GYS1: variants seen among roughly 807,000 people sequenced by gnomAD.
GYS1 encodes glycogen [starch] synthase, muscle.
In GYS1, 60 loss-of-function variants were observed where a neutral mutation model predicts 89.1. That is an observed-to-expected ratio of 0.67 (90% CI 0.55 to 0.84). GYS1 has a LOEUF of 0.84. GYS1 is among the 40% of genes least tolerant of loss of function. GYS1 has a pLI of 0.00. For synonymous variants in GYS1, 366 were observed against 401.7 expected (o/e 0.91, Z 1.06); for missense variants, 888 against 1,003.1 (o/e 0.89, Z 1.55).
At chr19:48,986,398 C>T (rs2038844127) in intron 3 of GYS1, among the ~76,000 whole-genome samples, 1 of 152,148 alleles carries the variant, frequency 6.6e-6, no homozygotes. Context: ...CTGTCTGCAC[C>T]CAACATTGGC....
At chr19:48,969,961 T>G in intron 14 of GYS1, 106 bp from the exon 15 acceptor site, 1 of 739,500 alleles carries the variant, frequency 1.4e-6, no homozygotes, top group Non-Finnish European at 2.4e-6. Flanking sequence ...AGCACACTGC[T>G]GCACCCCATA....
chr19:48,991,686 G>A lies in GYS1; in HGVS notation c.119-203C>T. 1 of 611,176 alleles carries A rather than the reference G, an allele frequency of 1.6e-6. No homozygotes were observed. 37.9% of individuals were successfully genotyped at this position (611,176 alleles called of 1,614,324 possible). A position where few individuals can be genotyped will look rare whatever the true frequency, so the allele number is the denominator to read the frequency against. ...CGAGGGCTGGAGGGCAGTCCTCCTG[G>A]GTCTAAGGGAGAAGGGGGCTGGGGT... On this transcript the variant is annotated intron_variant, in intron 1 of 15. Coordinates refer to ENST00000323798, the MANE Select transcript of GYS1 (RefSeq NM_002103.5). This position sits in a 1 kb window ranked among gnomAD's most constrained non-coding sequence, Gnocchi z 4.7.
At position 48,969,777 on chromosome 19, in the gene GYS1, C is replaced by T. The variant is rs1367362043; in HGVS notation, c.1888G>A (p.Ala630Thr). 6.2e-7 allele frequency: 1 copy of T among 1,613,728 alleles called. No homozygotes were observed. Among genetic ancestry groups the T allele is most frequent in the Admixed American group, 1.7e-5 (1 of 60,024 alleles). ...HFTYEPNEAD[A>T]AQGYRYPRPA... Reference sequence around the variant, plus strand: ...GCAGAAATCCAGGGTCCACTCACCGCATCCGCCTCGTTGGGCTCGTAGGTG... The same window carrying T: ...GCAGAAATCCAGGGTCCACTCACCGTATCCGCCTCGTTGGGCTCGTAGGTG... Residue 630 changes from alanine (A) to threonine (T), a missense_variant and splice_region_variant, in exon 15 of 16, where the codon GCG becomes ACG. Ala to Thr is a moderately conservative substitution (Grantham distance 58). Coordinates refer to ENST00000323798, the MANE Select transcript of GYS1 (RefSeq NM_002103.5).
At chr19:48,977,873 T>C in intron 10 of GYS1, 51 bp downstream of exon 10, 2 of 1,434,652 alleles carry the variant, frequency 1.4e-6, no homozygotes, top group Non-Finnish European at 2.0e-6. Context: ...GCAAGCTGCC[T>C]CTGGGGCTGC....
intron 8 of GYS1, among the ~76,000 whole-genome samples, chr19:48,980,708 A>G (rs919497063): frequency 5.9e-5 from 9 of 151,860 alleles, no homozygotes; most frequent in African/African-American, 2.2e-4. Context: ...AGCCAGGCGC[A>G]GTGGCTCACC....
chr19:48,985,965 A>G lies in GYS1; in HGVS notation c.563T>C (p.Leu188Pro). Residue 188 changes from leucine (L) to proline (P), a missense_variant, in exon 4 of 16, where the codon CTC (leucine) becomes CCC (proline). By Grantham distance (98) the Leu-to-Pro change is moderately conservative. Transcript: ENST00000323798. Reference protein sequence around the residue: ...HFHEWLAGVGLCLCRARRLPV... With the variant: ...HFHEWLAGVGPCLCRARRLPV... ...CAGTCGCCGGGCACGACACAGGCAG[A>G]GTCCAACGCCTGCCAACCACTCATG... The G allele has an allele frequency of 6.2e-7, 1 of 1,614,170 alleles. No homozygotes were observed.
In GYS1 at chr19:48,974,319, G is replaced by A. The variant is rs780892563; in HGVS notation, c.1443C>T (p.Phe481=). The A allele has an allele frequency of 1.2e-6, 2 of 1,614,012 alleles. No individual in the cohort carries two copies. Among genetic ancestry groups the A allele is most frequent in the Admixed American group, 3.3e-5 (2 of 60,006 alleles). ...DRVKVIFHPE[F]LSSTSPLLPV... is the part of the protein sequence containing the mutation. Reference sequence around the variant, plus strand: ...GGAGCAGGGGGCTTGTGGAGGAGAGGAACTCCGGGTGGAAAATCACCTGGT... The same window carrying A: ...GGAGCAGGGGGCTTGTGGAGGAGAGAAACTCCGGGTGGAAAATCACCTGGT... The change falls in exon 12 of 16, where the codon TTC becomes TTT. Residue 481 remains phenylalanine, a synonymous_variant. Transcript: ENST00000323798.
intron 5 of GYS1, among the ~76,000 whole-genome samples, chr19:48,984,298 T>C (rs116540618): frequency 0.044 from 6,621 of 151,818 alleles, 383 homozygotes; most frequent in African/African-American, 0.13. Flanking sequence ...TAAGCCACCG[T>C]GCCCAGCCAA....
Position 48,968,416 on chromosome 19 carries a change from A to C in GYS1, c.*872T>G. The C allele has an allele frequency of 2.2e-6, 1 of 454,530 alleles. No individual in the cohort carries two copies. Among genetic ancestry groups the C allele is most frequent in the South Asian group, 1.6e-5 (1 of 64,478 alleles). 28.2% of individuals were successfully genotyped at this position (454,530 alleles called of 1,614,324 possible). On this transcript the variant is annotated 3_prime_UTR_variant, in exon 16 of 16. Transcript: ENST00000323798. ...TCCAGATCTAGAAGCCAGGACCTAG[A>C]ACCTAGTGGTTTCACAGTGGGCAGA... is the stretch of plus-strand genomic sequence containing the variant.
intron 14 of GYS1, 108 bp from the exon 15 acceptor site, chr19:48,969,963 C>A (rs2038531711): frequency 4.1e-6 from 3 of 728,610 alleles, no homozygotes; most frequent in African/African-American, 1.7e-5. Flanking sequence ...CACACTGCTG[C>A]ACCCCATACA....
chr19:48,976,991 G>C (rs1173720237), intron 10 of GYS1, among the ~76,000 whole-genome samples: 1 of 151,974 alleles, frequency 6.6e-6, no homozygotes, highest in Admixed American at 6.6e-5. Context: ...GTTTCATCAT[G>C]TTGCCCAGGC....
rs1555800301 is a variant in GYS1, at chr19:48,991,214, T to G, written c.300+88A>C. 1 of 1,396,908 alleles carries G rather than the reference T, an allele frequency of 7.2e-7. No homozygotes were observed. The highest frequency in any genetic ancestry group is 1.2e-5 in the South Asian group (1 of 86,582). 86.5% of individuals were successfully genotyped at this position (1,396,908 alleles called of 1,614,324 possible). The stretch of plus-strand genomic sequence containing the variant: ...GCCTGCCTCGCTCTCTGGCTGGGGC[T>G]GTCCACCCTGCACCCTCTCCGTCTG... On this transcript the variant is annotated intron_variant, in intron 2 of 15. Transcript: ENST00000323798. The surrounding 1 kb of genome is among the most constrained non-coding windows in gnomAD (Gnocchi z 4.7).
At chr19:48,989,115 A>AT (rs374591827) in intron 2 of GYS1, among the ~76,000 whole-genome samples, 72 of 114,646 alleles carry the variant, frequency 6.3e-4, no homozygotes, top group African/African-American at 2.1e-3. Context: ...TCTTTCTTCC[A>AT]TTTTTTTTTG....
chr19:48,973,567 C>T (rs572957167), intron 12 of GYS1, among the ~76,000 whole-genome samples: 9 of 149,380 alleles, frequency 6.0e-5, no homozygotes, highest in East Asian at 2.0e-4. Flanking sequence ...ACAGCACTGC[C>T]GGAGTGCAGT....
chr19:48,982,461 TG>T (rs995892998), intron 6 of GYS1, 86 bp from the exon 7 acceptor site: 14 of 1,514,956 alleles, frequency 9.2e-6, no homozygotes, highest in African/African-American at 5.5e-5. Context: ...AAGCTATGGG[TG>T]GGGGGGCAGA....
chr19:48,974,223 G>T lies in GYS1; in HGVS notation c.1539C>A (p.Gly513=). ...GCCCACTACACTCACCCGGTGTGTA[G>T]CCCCAAGGCTCATAGTAGGAGGGGA... is the stretch of plus-strand genomic sequence containing the variant. ...GVFPSYYEPW[G]YTPAECTVMG... is the part of the protein sequence containing the mutation. The change falls in exon 12 of 16, where the codon GGC becomes GGA. Residue 513 remains glycine, a synonymous_variant. Transcript: ENST00000323798. 6.2e-7 allele frequency: 1 copy of T among 1,605,424 alleles called. No individual in the cohort carries two copies. The highest frequency in any genetic ancestry group is 8.5e-7 in the Non-Finnish European group (1 of 1,175,924).
At chr19:48,990,000 G>GC (rs201148467) in intron 2 of GYS1, among the ~76,000 whole-genome samples, 3 of 131,332 alleles carry the variant, frequency 2.3e-5, no homozygotes, top group East Asian at 4.2e-4. Context: ...CCTTTTGCTG[G>GC]GGGGGGGGGG....
intron 2 of GYS1, among the ~76,000 whole-genome samples, chr19:48,988,045 G>A (rs540455949): frequency 1.5e-4 from 23 of 152,182 alleles, no homozygotes; most frequent in African/African-American, 5.5e-4. Context: ...CTTGTGATCC[G>A]CCCGCCTCGG....
At chr19:48,970,892 C>A (rs768545442) in intron 13 of GYS1, 36 bp downstream of exon 13, 3 of 1,525,696 alleles carry the variant, frequency 2.0e-6, no homozygotes, top group Non-Finnish European at 2.7e-6. Flanking sequence ...TGTTCTCAAG[C>A]CCCCTTCCAG....
Sources: gnomAD v4.1 joint callset for allele counts (sites outside exome capture counted in the v4.1 genomes callset) on GRCh38, gnomAD v4.1.1 for gene constraint, Gnocchi (gnomAD v3.1) non-coding constraint, MANE v1.5 for transcripts, NCBI Gene and HGNC (gene_info 2026-07-23, HGNC 2026-07-21) for gene names.